Variants in TMEM51 observed in about 807,000 individuals in gnomAD.
TMEM51 encodes transmembrane protein 51.
A neutral mutation model predicts 13.6 loss-of-function variants in TMEM51; 8 were observed. The observed-to-expected ratio is 0.59, with a 90% CI of 0.35 to 1.07. The LOEUF is 1.07. Among genes scored for constraint, TMEM51 ranks in the 50% least tolerant of loss-of-function variants. The pLI is 0.02. For synonymous variants in TMEM51, 147 were observed against 144.4 expected, an observed-to-expected ratio of 1.02 and a Z score of -0.13; for missense variants, 279 against 330.7, an observed-to-expected ratio of 0.84 and a Z score of 1.21.
chr1:15,183,119 C>G (rs1643670798), intron 1 of TMEM51, among the ~76,000 whole-genome samples: 1 of 152,160 alleles, frequency 6.6e-6, no homozygotes, highest in Non-Finnish European at 1.5e-5. Flanking sequence ...TGTTTTATGT[C>G]TGCTGGTAGA....
At position 15,204,328 on chromosome 1, in the gene TMEM51, C is replaced by T. The variant is rs141157292; in HGVS notation, c.-266-6162C>T. Among the ~76,000 whole-genome samples, 621 of 152,144 alleles carry T rather than the reference C, an allele frequency of 4.1e-3. 6 individuals carry two copies. Among genetic ancestry groups the T allele is most frequent in the African/African-American group, 0.014 (563 of 41,512 alleles). ...CAGCACTTTGGGAGGCCGAGGCGGA[C>T]GGATCACCTGAGGTCAGGAGTTTAA... is the stretch of plus-strand genomic sequence containing the variant. On this transcript the variant is annotated intron_variant, in intron 1 of 3. Coordinates refer to ENST00000376008, the MANE Select transcript of TMEM51 (RefSeq NM_001136218.2).
At chr1:15,157,003 T>C (rs898171829) in intron 1 of TMEM51, among the ~76,000 whole-genome samples, 1 of 152,216 alleles carries the variant, frequency 6.6e-6, no homozygotes, top group Admixed American at 6.5e-5. Context: ...TCCCTTCCTC[T>C]GGATTGAGCC....
Position 15,200,145 on chromosome 1 carries a change from T to C in TMEM51, c.-266-10345T>C, listed in dbSNP as rs538312256. Among the ~76,000 whole-genome samples, 17 of 152,022 alleles carry C rather than the reference T, an allele frequency of 1.1e-4. No individual in the cohort carries two copies. The South Asian group carries it at 3.5e-3, about 32-fold the overall frequency. ...AGGGGATCAAGGTGAAGTAAAGTCATATGAGTGGGCCCTAATCCAATATCA... is the reference window on the plus strand; with the variant it reads ...AGGGGATCAAGGTGAAGTAAAGTCACATGAGTGGGCCCTAATCCAATATCA... On this transcript the variant is annotated intron_variant, in intron 1 of 3. Coordinates refer to ENST00000376008, the MANE Select transcript of TMEM51 (RefSeq NM_001136218.2).
intron 1 of TMEM51, among the ~76,000 whole-genome samples, chr1:15,163,638 T>TTTTTTTTTTTTTTTGAGACAGA (rs1553197690): frequency 1.3e-5 from 2 of 151,408 alleles, no homozygotes; most frequent in Non-Finnish European, 1.5e-5. Context: ...TGTTATTTTT[T>TTTTTTTTTTTTTTTGAGACAGA]GTAATAATAG....
chr1:15,160,968 C>T (rs1642762588), intron 1 of TMEM51, among the ~76,000 whole-genome samples: 1 of 151,856 alleles, frequency 6.6e-6, no homozygotes, highest in Admixed American at 6.6e-5. Context: ...AGGCTTAACC[C>T]AAACTTGGAG....
chr1:15,166,408 C>T (rs968339513), intron 1 of TMEM51, among the ~76,000 whole-genome samples: 6 of 152,176 alleles, frequency 3.9e-5, no homozygotes, highest in Admixed American at 1.3e-4. Context: ...GCAGCCGACT[C>T]ATAGGCAACT....
In TMEM51 at chr1:15,192,390, G is replaced by A. The variant is rs1332528204; in HGVS notation, c.-266-18100G>A. ...ACACTAGTATCAGGAACTCCTTCTT[G>A]GAATCCTTGCTCCAGGTCAGCGTTT... On this transcript the variant is annotated intron_variant, in intron 1 of 3. Coordinates refer to ENST00000376008, the MANE Select transcript of TMEM51 (RefSeq NM_001136218.2). The A allele has an allele frequency of 2.0e-5, 8 of 408,652 alleles. No individual in the cohort carries two copies. The East Asian group carries it at 2.1e-4, about 11-fold the overall frequency. 25.3% of individuals were successfully genotyped at this position (408,652 alleles called of 1,614,324 possible).
intron 1 of TMEM51, among the ~76,000 whole-genome samples, chr1:15,181,613 C>G (rs1446335532): frequency 6.6e-6 from 1 of 152,250 alleles, no homozygotes; most frequent in Non-Finnish European, 1.5e-5. Context: ...GAGCTTCCCA[C>G]CCCACAGCCC....
At chr1:15,210,359 T>C (rs906220514) in intron 1 of TMEM51, 131 bp from the exon 2 acceptor site, 3 of 152,230 alleles carry the variant, frequency 2.0e-5, no homozygotes, top group African/African-American at 7.2e-5. Flanking sequence ...TTGTCTTGCA[T>C]AGATACCTAC....
chr1:15,157,950 TTTG>T (rs1642643953), intron 1 of TMEM51, among the ~76,000 whole-genome samples: 2 of 152,084 alleles, frequency 1.3e-5, no homozygotes, highest in African/African-American at 2.4e-5. Flanking sequence ...CATGTCCTGG[TTTG>T]TTGTTGTTGC....
Position 15,164,855 on chromosome 1 carries a change from T to C in TMEM51, c.-267+10901T>C, listed in dbSNP as rs542235722. The stretch of plus-strand genomic sequence containing the variant: ...GTCTCGCTCTGTCGCCAGGCCAGAG[T>C]GCAGTGGCACAATCTCGGCTCACTG... On this transcript the variant is annotated intron_variant, in intron 1 of 3. Transcript: ENST00000376008. 2.2e-5 allele frequency among the ~76,000 whole-genome samples: 3 copies of C among 139,210 alleles called. No homozygotes were observed. In the South Asian group the frequency reaches 6.7e-4, roughly 31 times the overall value. The allele number at this position is 139,210 out of a possible 152,430, so 91.3% of individuals were successfully genotyped here.
intron 1 of TMEM51, among the ~76,000 whole-genome samples, chr1:15,171,869 G>C (rs1350855652): frequency 6.6e-6 from 1 of 152,088 alleles, no homozygotes; most frequent in Non-Finnish European, 1.5e-5. Context: ...TGACTCTCTT[G>C]ACAGGACCTT....
intron 1 of TMEM51, among the ~76,000 whole-genome samples, chr1:15,190,396 T>C (rs958902303): frequency 6.6e-6 from 1 of 152,186 alleles, no homozygotes; most frequent in Non-Finnish European, 1.5e-5. Context: ...AAACGCCCTC[T>C]GATAAAATGT....
chr1:15,155,231 T>A (rs1642549028), intron 1 of TMEM51, among the ~76,000 whole-genome samples: 1 of 147,796 alleles, frequency 6.8e-6, no homozygotes, highest in Non-Finnish European at 1.5e-5. Context: ...AGCTGACAGC[T>A]CTCTGATGGG....
rs76921303 is a variant in TMEM51, at chr1:15,168,611, C to G, written c.-267+14657C>G. 2.6e-4 allele frequency: 341 copies of G among 1,304,494 alleles called. No individual in the cohort carries two copies. In the African/African-American group the frequency reaches 4.6e-3, roughly 18 times the overall value. 80.8% of individuals were successfully genotyped at this position (1,304,494 alleles called of 1,614,324 possible). A position where few individuals can be genotyped will look rare whatever the true frequency, so the allele number is the denominator to read the frequency against. ...TGGCTGAGCCAAGAGAGACGAAGGC[C>G]ATAGAGTTCTTCAACCTTGCCTGTG... is the stretch of plus-strand genomic sequence containing the variant. On this transcript the variant is annotated intron_variant, in intron 1 of 3. Transcript: ENST00000376008.
In TMEM51 at chr1:15,211,829, C is replaced by G. The variant is rs1052818394; in HGVS notation, c.-194+1267C>G. The stretch of plus-strand genomic sequence containing the variant: ...TACAAGTCTGAAAGGTGACCCCCCC[C>G]CCCCCCCCGGGATTTTTACATACGT... On this transcript the variant is annotated intron_variant, in intron 2 of 3. Coordinates refer to ENST00000376008, the MANE Select transcript of TMEM51 (RefSeq NM_001136218.2). Among the ~76,000 whole-genome samples the G allele has an allele frequency of 2.5e-4, 15 of 60,358 alleles. 2 individuals carry two copies. Among genetic ancestry groups the G allele is most frequent in the Admixed American group, 1.3e-3 (9 of 6,886 alleles). 39.6% of individuals were successfully genotyped at this position (60,358 alleles called of 152,430 possible).
intron 1 of TMEM51, among the ~76,000 whole-genome samples, chr1:15,191,412 A>T (rs757780532): frequency 3.9e-5 from 6 of 152,208 alleles, no homozygotes; most frequent in Non-Finnish European, 7.3e-5. Flanking sequence ...TGAAATTAAC[A>T]CAGCCCTTCT....
At chr1:15,182,206 A>AAATGACTG (rs1452812707) in intron 1 of TMEM51, among the ~76,000 whole-genome samples, 3 of 148,812 alleles carry the variant, frequency 2.0e-5, no homozygotes, top group South Asian at 4.3e-4. Flanking sequence ...ATAAATAAAT[A>AAATGACTG]ACTGCACTAG....
chr1:15,198,264 T>C (rs2100300870), intron 1 of TMEM51, among the ~76,000 whole-genome samples: 1 of 152,244 alleles, frequency 6.6e-6, no homozygotes, highest in Non-Finnish European at 1.5e-5. Context: ...TTATATCCCA[T>C]TGGCCAGAAC....
Sources: gnomAD v4.1 joint callset for allele counts (sites outside exome capture counted in the v4.1 genomes callset) on GRCh38, gnomAD v4.1.1 for gene constraint, MANE v1.5 for transcripts, NCBI Gene and HGNC (gene_info 2026-07-23, HGNC 2026-07-21) for gene names.